The following HIGD1A variants were observed in gnomAD, a reference collection of about 807,000 sequenced individuals.
The protein encoded by HIGD1A is HIG1 hypoxia inducible domain family member 1A.
In HIGD1A, 8 loss-of-function variants were observed where a neutral mutation model predicts 11.3. The ratio of observed to expected loss-of-function variants is 0.71; its 90% CI spans 0.42 to 1.28. HIGD1A has a LOEUF of 1.28. HIGD1A is among the 50% of genes most tolerant of loss of function. The probability of loss-of-function intolerance (pLI) is 0.01; values close to 1 mark genes in which losing one functional copy is unlikely to be tolerated. For synonymous variants in HIGD1A, 32 were observed against 38.4 expected, an observed-to-expected ratio of 0.83 and a Z score of 0.62; for missense variants, 107 against 118.8, an observed-to-expected ratio of 0.90 and a Z score of 0.46.
intron 1 of HIGD1A, among the ~76,000 whole-genome samples, chr3:42,794,899 T>G (rs1413758069): frequency 6.6e-6 from 1 of 152,230 alleles, no homozygotes; most frequent in East Asian, 1.9e-4. Flanking sequence ...TAGCTCATTA[T>G]TTACTCATTT....
Position 42,784,263 on chromosome 3 carries a change from C to T in HIGD1A, c.*1008G>A, listed in dbSNP as rs1193059607. The T allele has an allele frequency of 1.3e-5, 2 of 152,150 alleles. No individual in the cohort carries two copies. The highest frequency in any genetic ancestry group is 2.4e-5 in the African/African-American group (1 of 41,430). 9.4% of individuals were successfully genotyped at this position (152,150 alleles called of 1,614,324 possible). A position where few individuals can be genotyped will look rare whatever the true frequency, so the allele number is the denominator to read the frequency against. On this transcript the variant is annotated 3_prime_UTR_variant, in exon 4 of 4. Transcript: ENST00000321331. ...ACTTGTTCTCAAATTTGTTCCTCTA[C>T]AGAAAGCTTTTCCTCATGAAATAAA...
At position 42,785,073 on chromosome 3, in the gene HIGD1A, T is replaced by TTA; in HGVS notation, c.*197_*198insTA. 2.1e-6 allele frequency: 1 copy of TTA among 483,884 alleles called. No individual in the cohort carries two copies. Among genetic ancestry groups the TTA allele is most frequent in the Non-Finnish European group, 3.8e-6 (1 of 264,664 alleles). 30.0% of individuals were successfully genotyped at this position (483,884 alleles called of 1,614,324 possible). A position where few individuals can be genotyped will look rare whatever the true frequency, so the allele number is the denominator to read the frequency against. ...GTTAACTTGACTTCCTTGAATGACC[T>TTA]AGTTAGTAAACTAGTCACTAGTAAT... On this transcript the variant is annotated 3_prime_UTR_variant, in exon 4 of 4. Coordinates refer to ENST00000321331, the MANE Select transcript of HIGD1A (RefSeq NM_014056.4).
chr3:42,793,203 C>T (rs1210195535), intron 2 of HIGD1A, among the ~76,000 whole-genome samples: 1 of 151,944 alleles, frequency 6.6e-6, no homozygotes, highest in Admixed American at 6.6e-5. Context: ...AATTTTTAAA[C>T]TTTTTCTTAA....
rs991685820 is a variant in HIGD1A at position 42,783,583 on chromosome 3, C to G, written c.*1688G>C. ...TGAGCTCAGATCACACCACTGTACT[C>G]CAGCCTCAGCAACAGAGCAAGACTC... On this transcript the variant is annotated 3_prime_UTR_variant, in exon 4 of 4. Coordinates refer to ENST00000321331, the MANE Select transcript of HIGD1A (RefSeq NM_014056.4). Among the ~76,000 whole-genome samples, 1 of 152,094 alleles carries G rather than the reference C, an allele frequency of 6.6e-6. No individual in the cohort carries two copies. Among genetic ancestry groups the G allele is most frequent in the African/African-American group, 2.4e-5 (1 of 41,424 alleles).
intron 1 of HIGD1A, among the ~76,000 whole-genome samples, chr3:42,803,278 G>T (rs2125596808): frequency 6.6e-6 from 1 of 152,200 alleles, no homozygotes; most frequent in East Asian, 1.9e-4. Flanking sequence ...GAGCCGTCCA[G>T]CATCAGGAGA....
In HIGD1A at chr3:42,804,467, G is replaced by A. The variant is rs192505897; in HGVS notation, c.-54C>T. 1.5e-3 allele frequency: 704 copies of A among 465,936 alleles called. 3 individuals are homozygous for A. Among genetic ancestry groups the A allele is most frequent in the African/African-American group, 0.013 (642 of 49,652 alleles). The allele number at this position is 465,936 out of a possible 1,614,324, so 28.9% of individuals were successfully genotyped here. A position where few individuals can be genotyped will look rare whatever the true frequency, so the allele number is the denominator to read the frequency against. On this transcript the variant is annotated 5_prime_UTR_variant, in exon 1 of 4. Coordinates refer to ENST00000321331, the MANE Select transcript of HIGD1A (RefSeq NM_014056.4). ...CGAGAAAACCTCTCACACCCCAACC[G>A]GCTTCCGATCCCTGCAGGCGCACCC...
rs148912466 is a variant in HIGD1A at position 42,787,061 on chromosome 3, A to G, written c.98-899T>C. Reference sequence around the variant, plus strand: ...GTTAAGATATAATGGTGAGCAATAAAGACAGAAAAATCTGTACTGGTTCCT... The same window carrying G: ...GTTAAGATATAATGGTGAGCAATAAGGACAGAAAAATCTGTACTGGTTCCT... On this transcript the variant is annotated intron_variant, in intron 2 of 3. Transcript: ENST00000321331. Among the ~76,000 whole-genome samples, 222 of 152,366 alleles carry G rather than the reference A, an allele frequency of 1.5e-3. 1 individual carries two copies. The highest frequency in any genetic ancestry group is 6.6e-3 in the South Asian group (32 of 4,828).
chr3:42,800,926 T>C (rs1700550390), intron 1 of HIGD1A, among the ~76,000 whole-genome samples: 1 of 152,248 alleles, frequency 6.6e-6, no homozygotes, highest in African/African-American at 2.4e-5. Flanking sequence ...TCCTGTCATT[T>C]ATCATTCTGA....
intron 2 of HIGD1A, among the ~76,000 whole-genome samples, chr3:42,788,393 T>C (rs949721080): frequency 6.6e-6 from 1 of 152,134 alleles, no homozygotes; most frequent in Non-Finnish European, 1.5e-5. Flanking sequence ...ATAGAAAGAA[T>C]TAAATGGGCA....
At chr3:42,802,829 G>A (rs1475063385) in intron 1 of HIGD1A, among the ~76,000 whole-genome samples, 2 of 152,130 alleles carry the variant, frequency 1.3e-5, no homozygotes, top group East Asian at 1.9e-4. Flanking sequence ...TTTGATTGAC[G>A]ATATATTGCC....
At position 42,783,459 on chromosome 3, in the gene HIGD1A, A is replaced by G. The variant is rs1700305417; in HGVS notation, c.*1812T>C. ...GTGAAACCTCGCCTTTACTAAAAACACAAAAATTAGCCCGACATGGTGGCG... is the reference window on the plus strand; with the variant it reads ...GTGAAACCTCGCCTTTACTAAAAACGCAAAAATTAGCCCGACATGGTGGCG... On this transcript the variant is annotated 3_prime_UTR_variant, in exon 4 of 4. Coordinates refer to ENST00000321331, the MANE Select transcript of HIGD1A (RefSeq NM_014056.4). 6.6e-6 allele frequency among the ~76,000 whole-genome samples: 1 copy of G among 150,436 alleles called. No individual in the cohort carries two copies. Among genetic ancestry groups the G allele is most frequent in the Admixed American group, 6.6e-5 (1 of 15,228 alleles).
intron 2 of HIGD1A, among the ~76,000 whole-genome samples, chr3:42,789,629 TAGTAAA>T (rs1326854128): frequency 6.7e-6 from 1 of 148,798 alleles, no homozygotes; most frequent in African/African-American, 2.5e-5. Context: ...AACATCTGAA[TAGTAAA>T]AGTAAATTAG....
At chr3:42,803,487 A>C (rs1278732606) in intron 1 of HIGD1A, among the ~76,000 whole-genome samples, 1 of 152,210 alleles carries the variant, frequency 6.6e-6, no homozygotes, top group Non-Finnish European at 1.5e-5. Flanking sequence ...AGCCCCTTCA[A>C]GTGACTCTGG....
chr3:42,788,207 T>C (rs1700375968), intron 2 of HIGD1A, among the ~76,000 whole-genome samples: 1 of 152,154 alleles, frequency 6.6e-6, no homozygotes, highest in Non-Finnish European at 1.5e-5. Context: ...CATACGACAT[T>C]AGGAATGAGG....
intron 1 of HIGD1A, among the ~76,000 whole-genome samples, chr3:42,799,049 C>T (rs2125594658): frequency 9.1e-4 from 1 of 1,100 alleles, no homozygotes; most frequent in African/African-American, 9.7e-4. Flanking sequence ...GGATTAAGGG[C>T]GGTGCAAGAT....
intron 2 of HIGD1A, 47 bp downstream of exon 2, chr3:42,794,110 C>A: frequency 6.4e-7 from 1 of 1,551,832 alleles, no homozygotes; most frequent in South Asian, 1.2e-5. Context: ...AACAAATTAT[C>A]ACGGCTCTAC....
chr3:42,786,245 T>A, intron 2 of HIGD1A, 83 bp from the exon 3 acceptor site: 1 of 1,401,306 alleles, frequency 7.1e-7, no homozygotes, highest in Non-Finnish European at 9.9e-7. Flanking sequence ...CATTCTATTA[T>A]TTTTATGAGG....
chr3:42,785,208 T>G lies in HIGD1A; in HGVS notation c.*63A>C, dbSNP rs1700334932. 1.2e-5 allele frequency: 15 copies of G among 1,278,064 alleles called. No individual in the cohort carries two copies. The South Asian group carries it at 1.8e-4, about 15-fold the overall frequency. 79.2% of individuals were successfully genotyped at this position (1,278,064 alleles called of 1,614,324 possible). A position where few individuals can be genotyped will look rare whatever the true frequency, so the allele number is the denominator to read the frequency against. ...TTATTTCCAACAATAATAGGTAACT[T>G]TAATAATAAGACATCTAACTAAAGC... On this transcript the variant is annotated 3_prime_UTR_variant, in exon 4 of 4. Coordinates refer to ENST00000321331, the MANE Select transcript of HIGD1A (RefSeq NM_014056.4).
chr3:42,791,495 A>G (rs1360572634), intron 2 of HIGD1A, among the ~76,000 whole-genome samples: 2 of 152,222 alleles, frequency 1.3e-5, no homozygotes, highest in Non-Finnish European at 2.9e-5. Context: ...TCAAAGAATG[A>G]TAATATCTAG....
Sources: allele counts gnomAD v4.1 joint callset (sites outside exome capture counted in the v4.1 genomes callset), GRCh38; gene constraint gnomAD v4.1.1; transcripts MANE v1.5; gene names NCBI Gene and HGNC (gene_info 2026-07-23, HGNC 2026-07-21).